Variants in EPHA5 observed in about 807,000 individuals in gnomAD.
The protein encoded by EPHA5 is ephrin type-A receptor 5.
A neutral mutation model predicts 105.0 loss-of-function variants in EPHA5; 60 were observed. That is an observed-to-expected ratio of 0.57 (90% CI 0.46 to 0.71). EPHA5 has a LOEUF of 0.71. EPHA5 is among the 30% of genes least tolerant of loss of function. EPHA5 has a pLI of 0.00. For missense variants in EPHA5, 1,218 were observed against 1,274.7 expected, an observed-to-expected ratio of 0.96 and a Z score of 0.68; for synonymous variants, 513 against 449.1, an observed-to-expected ratio of 1.14 and a Z score of -1.80.
chr4:65,448,660 A>G (rs754608630), intron 5 of EPHA5, among the ~76,000 whole-genome samples: 3 of 152,126 alleles, frequency 2.0e-5, no homozygotes, highest in Non-Finnish European at 4.4e-5. Flanking sequence ...AAACATAGAA[A>G]CAAACAACAA....
intron 4 of EPHA5, among the ~76,000 whole-genome samples, chr4:65,493,768 C>T (rs1377703477): frequency 1.3e-5 from 2 of 151,780 alleles, no homozygotes; most frequent in Non-Finnish European, 2.9e-5. Flanking sequence ...CTTCCCCCCT[C>T]ACGCCCCACC....
intron 6 of EPHA5, among the ~76,000 whole-genome samples, chr4:65,415,905 A>G (rs1208496299): frequency 6.6e-6 from 1 of 152,068 alleles, no homozygotes; most frequent in Non-Finnish European, 1.5e-5. Flanking sequence ...AGCTTCTATA[A>G]ACTATGACAG....
intron 5 of EPHA5, among the ~76,000 whole-genome samples, chr4:65,480,838 A>G (rs13122571): frequency 0.21 from 32,282 of 151,082 alleles, 4,336 homozygotes; most frequent in Middle Eastern, 0.36. Flanking sequence ...TAGCCAGAGT[A>G]TATTTTGAGT....
intron 3 of EPHA5, among the ~76,000 whole-genome samples, chr4:65,561,494 A>C (rs531500029): frequency 8.5e-5 from 13 of 152,236 alleles, no homozygotes; most frequent in African/African-American, 2.9e-4. Flanking sequence ...GAGGCATAAC[A>C]GCTTAGCTGG....
intron 5 of EPHA5, among the ~76,000 whole-genome samples, chr4:65,479,592 A>G (rs1730155196): frequency 6.6e-6 from 1 of 152,214 alleles, no homozygotes; most frequent in Admixed American, 6.5e-5. Flanking sequence ...TTAAGGAAAC[A>G]TTGTGTATCC....
chr4:65,391,772 G>A (rs1289414775), intron 8 of EPHA5, among the ~76,000 whole-genome samples: 2 of 152,082 alleles, frequency 1.3e-5, no homozygotes, highest in South Asian at 2.1e-4. Flanking sequence ...TGAGCAAATG[G>A]AGCTTTAGAC....
At position 65,386,208 on chromosome 4, in the gene EPHA5, C is replaced by A. The variant is rs117654474; in HGVS notation, c.1793+18166G>T. 2.0e-4 allele frequency among the ~76,000 whole-genome samples: 31 copies of A among 151,994 alleles called. No individual in the cohort carries two copies. In the East Asian group the frequency reaches 6.0e-3, roughly 29 times the overall value. On this transcript the variant is annotated intron_variant, in intron 8 of 16. Transcript: ENST00000613740. ...TTAATGGGTAAAGAGCCTGTTCATG[C>A]AATTTACAAAACAGATGTTAAAACA...
intron 8 of EPHA5, among the ~76,000 whole-genome samples, chr4:65,394,304 C>A (rs1267470649): frequency 1.3e-5 from 2 of 152,082 alleles, no homozygotes; most frequent in East Asian, 1.9e-4. Flanking sequence ...GCTTCCCACA[C>A]AAAAGTTCAA....
chr4:65,656,582 A>C (rs572359892), intron 1 of EPHA5, among the ~76,000 whole-genome samples: 3 of 147,276 alleles, frequency 2.0e-5, no homozygotes, highest in Non-Finnish European at 4.5e-5. Context: ...CATTTTATAT[A>C]TATATTATAT....
At chr4:65,509,510 T>G (rs2149257423) in intron 3 of EPHA5, among the ~76,000 whole-genome samples, 1 of 152,240 alleles carries the variant, frequency 6.6e-6, no homozygotes, top group East Asian at 1.9e-4. Flanking sequence ...AAAAGACTGA[T>G]TATAGGGATG....
intron 3 of EPHA5, among the ~76,000 whole-genome samples, chr4:65,520,576 C>G (rs9762100): frequency 0.052 from 7,887 of 152,170 alleles, 276 homozygotes; most frequent in African/African-American, 0.1. Flanking sequence ...AAACTACCAT[C>G]AGAGTGAACA....
intron 3 of EPHA5, among the ~76,000 whole-genome samples, chr4:65,565,315 C>T (rs969379786): frequency 3.3e-5 from 5 of 151,498 alleles, no homozygotes; most frequent in African/African-American, 1.2e-4. Context: ...AACAGTGGTG[C>T]CCAATATATT....
At chr4:65,331,384 A>G in intron 16 of EPHA5, 1 of 1,043,128 alleles carries the variant, frequency 9.6e-7, no homozygotes, top group South Asian at 4.6e-5. Context: ...TTAAACGTGC[A>G]AACAGAAAAG....
At chr4:65,337,148 G>T (rs1721263707) in intron 14 of EPHA5, among the ~76,000 whole-genome samples, 2 of 151,828 alleles carry the variant, frequency 1.3e-5, no homozygotes, top group Admixed American at 6.6e-5. Context: ...TTCAACACAG[G>T]TATAAAATAT....
intron 3 of EPHA5, among the ~76,000 whole-genome samples, chr4:65,577,725 C>T (rs575874356): frequency 5.9e-5 from 9 of 152,100 alleles, no homozygotes; most frequent in African/African-American, 2.2e-4. Context: ...TGCAGAAATG[C>T]CACTAATGAC....
At chr4:65,522,726 C>G (rs1273093930) in intron 3 of EPHA5, among the ~76,000 whole-genome samples, 1 of 152,078 alleles carries the variant, frequency 6.6e-6, no homozygotes, top group South Asian at 2.1e-4. Flanking sequence ...CTGTTCATAT[C>G]ACCCCATCGT....
chr4:65,669,874 C>T lies in EPHA5; in HGVS notation c.-132G>A. 1 of 1,210,576 alleles carries T rather than the reference C, an allele frequency of 8.3e-7. No individual in the cohort carries two copies. Among genetic ancestry groups the T allele is most frequent in the Non-Finnish European group, 1.0e-6 (1 of 969,210 alleles). The allele number at this position is 1,210,576 out of a possible 1,614,324, so 75.0% of individuals were successfully genotyped here. A position where few individuals can be genotyped will look rare whatever the true frequency, so the allele number is the denominator to read the frequency against. ...GGGTCCTACGCCTTCTGGCACGCGG[C>T]TCCTCCAAATGTAGGAACCACGGAT... On this transcript the variant is annotated 5_prime_UTR_variant, in exon 1 of 17. Transcript: ENST00000613740.
At chr4:65,441,117 C>A (rs932486260) in intron 5 of EPHA5, among the ~76,000 whole-genome samples, 9 of 151,972 alleles carry the variant, frequency 5.9e-5, no homozygotes, top group Admixed American at 5.9e-4. Context: ...TGTCAATATA[C>A]TATATTAATT....
intron 3 of EPHA5, among the ~76,000 whole-genome samples, chr4:65,522,257 C>A (rs770286126): frequency 4.0e-5 from 6 of 149,790 alleles, no homozygotes; most frequent in Non-Finnish European, 8.9e-5. Flanking sequence ...CTGTTGAATT[C>A]TTTTAGGCAA....
Sources: gnomAD v4.1 joint callset for allele counts (sites outside exome capture counted in the v4.1 genomes callset) on GRCh38, gnomAD v4.1.1 for gene constraint, MANE v1.5 for transcripts, NCBI Gene and HGNC (gene_info 2026-07-23, HGNC 2026-07-21) for gene names.